Variants in INSR observed in about 807,000 individuals in gnomAD.
INSR encodes IR.
INSR carries 67 observed loss-of-function variants against 142.6 expected under a neutral mutation model. The observed-to-expected ratio is 0.47, with a 90% CI of 0.39 to 0.58. The LOEUF (loss-of-function observed/expected upper bound fraction) is 0.58, where lower values mean the gene tolerates loss of function less well. Ranked by LOEUF, INSR falls within the 20% of genes least tolerant of loss-of-function variation. INSR has a pLI of 0.00. For synonymous variants in INSR, 756 were observed against 743.1 expected, an observed-to-expected ratio of 1.02 and a Z score of -0.28; for missense variants, 1,248 against 1,833.2, an observed-to-expected ratio of 0.68 and a Z score of 5.83.
chr19:7,267,230 C>T lies in INSR; in HGVS notation c.652+115G>A. 1 of 1,076,608 alleles carries T rather than the reference C, an allele frequency of 9.3e-7. No homozygotes were observed. Among genetic ancestry groups the T allele is most frequent in the Non-Finnish European group, 1.4e-6 (1 of 711,018 alleles). The allele number at this position is 1,076,608 out of a possible 1,614,324, so 66.7% of individuals were successfully genotyped here. On this transcript the variant is annotated intron_variant, in intron 2 of 21. Transcript: ENST00000302850. The surrounding 1 kb of genome is among the most constrained non-coding windows in gnomAD (Gnocchi z 6.3). Reference sequence around the variant, plus strand: ...CCCTGGGCTAGTGAATGCCACCACCCACTATTCCCCGGCCCCTACCTAATG... The same window carrying T: ...CCCTGGGCTAGTGAATGCCACCACCTACTATTCCCCGGCCCCTACCTAATG...
chr19:7,164,923 G>A (rs1973856513), intron 8 of INSR, among the ~76,000 whole-genome samples: 1 of 151,138 alleles, frequency 6.6e-6, no homozygotes. Flanking sequence ...CAGGTCAAGA[G>A]ATTGAGACCA....
At chr19:7,210,628 G>C (rs1352570208) in intron 2 of INSR, among the ~76,000 whole-genome samples, 1 of 152,072 alleles carries the variant, frequency 6.6e-6, no homozygotes, top group Non-Finnish European at 1.5e-5. Flanking sequence ...GGTGACACAA[G>C]CAAGGCACTG....
At chr19:7,140,961 CT>C (rs1973056348) in intron 13 of INSR, among the ~76,000 whole-genome samples, 1 of 152,202 alleles carries the variant, frequency 6.6e-6, no homozygotes, top group Non-Finnish European at 1.5e-5. Flanking sequence ...GATTCTATGT[CT>C]TGTGCATCTC....
At chr19:7,171,917 CTT>C (rs375076576) in intron 5 of INSR, among the ~76,000 whole-genome samples, 6 of 137,544 alleles carry the variant, frequency 4.4e-5, no homozygotes, top group Admixed American at 7.3e-5. Flanking sequence ...CTTTTCTTTT[CTT>C]TTTTTTTTTT....
At chr19:7,144,097 C>T (rs1290096296) in intron 11 of INSR, among the ~76,000 whole-genome samples, 2 of 151,498 alleles carry the variant, frequency 1.3e-5, no homozygotes, top group African/African-American at 4.8e-5. Context: ...ACTCATAAAT[C>T]CACAGCCCAC....
chr19:7,152,835 C>T lies in INSR; in HGVS notation c.2122G>A (p.Glu708Lys), dbSNP rs763692568. The change falls in exon 10 of 22, where the codon GAA becomes AAA. Residue 708 changes from glutamate (E) to lysine (K), a missense_variant. Physicochemically the swap from Glu to Lys is moderately conservative, Grantham distance 56 (BLOSUM62 1). Coordinates refer to ENST00000302850, the MANE Select transcript of INSR (RefSeq NM_000208.4). ...NQSEYEDSAG[E>K]CCSCPKTDSQ... is the part of the protein sequence containing the mutation. The stretch of plus-strand genomic sequence containing the variant: ...TCTGTCTTTGGACAGGAGCAGCATT[C>T]GCCGGCCGAATCCTCATACTCACTC... 16 of 1,613,364 alleles carry T rather than the reference C, an allele frequency of 9.9e-6. No individual in the cohort carries two copies. Among genetic ancestry groups the T allele is most frequent in the Non-Finnish European group, 1.2e-5 (14 of 1,179,944 alleles).
At chr19:7,140,992 G>A (rs76195114) in intron 13 of INSR, among the ~76,000 whole-genome samples, 2,808 of 152,258 alleles carry the variant, frequency 0.018, 50 homozygotes, top group African/African-American at 0.044. Flanking sequence ...CCAGCACCTT[G>A]CATGGTGTCT....
Position 7,174,327 on chromosome 19 carries a change from G to A in INSR, c.1123+256C>T, listed in dbSNP as rs575124398. On this transcript the variant is annotated intron_variant, in intron 4 of 21. Transcript: ENST00000302850. Reference sequence around the variant, plus strand: ...AATAAAAATAAAAATAAATGTAAATGCAGATTCCTGATGCCCCAACTCCCA... The same window carrying A: ...AATAAAAATAAAAATAAATGTAAATACAGATTCCTGATGCCCCAACTCCCA... 3.3e-5 allele frequency among the ~76,000 whole-genome samples: 5 copies of A among 151,972 alleles called. No individual in the cohort carries two copies. In the South Asian group the frequency reaches 1.0e-3, roughly 32 times the overall value.
chr19:7,140,773 C>CTTTTTTTT lies in INSR; in HGVS notation c.2682+896_2682+903dup, dbSNP rs34805383. 9.1e-3 allele frequency among the ~76,000 whole-genome samples: 1,272 copies of CTTTTTTTT among 139,298 alleles called. 23 individuals are homozygous for CTTTTTTTT. Among genetic ancestry groups the CTTTTTTTT allele is most frequent in the African/African-American group, 0.031 (1,162 of 37,660 alleles). 91.4% of individuals were successfully genotyped at this position (139,298 alleles called of 152,430 possible). ...AAAAATAAAATTAGAATTAACGGCC[C>CTTTTTTTT]TTTTTTTTTTTTTGCCTAGCTGTCC... On this transcript the variant is annotated intron_variant, in intron 13 of 21. Coordinates refer to ENST00000302850, the MANE Select transcript of INSR (RefSeq NM_000208.4).
intron 2 of INSR, among the ~76,000 whole-genome samples, chr19:7,217,546 G>A (rs775150672): frequency 2.6e-5 from 4 of 152,126 alleles, no homozygotes; most frequent in Admixed American, 6.6e-5. Context: ...AGCAGTCATC[G>A]AGTGATATCT....
rs1366235 is a variant in INSR at position 7,167,704 on chromosome 19, A to G, written c.1610+264T>C. On this transcript the variant is annotated intron_variant, in intron 7 of 21. Transcript: ENST00000302850. ...GAGACATACACAGGCAAGGCAAAAT[A>G]GAATATTGCCCCAGGAAACTGGCCA... Among the ~76,000 whole-genome samples, 36,841 of 152,138 alleles carry G rather than the reference A, an allele frequency of 0.24. 4,546 individuals are homozygous for G. Among genetic ancestry groups the G allele is most frequent in the Middle Eastern group, 0.3 (88 of 294 alleles).
intron 2 of INSR, among the ~76,000 whole-genome samples, chr19:7,196,744 AAACTT>A (rs1264623221): frequency 1.3e-5 from 2 of 151,782 alleles, no homozygotes; most frequent in Non-Finnish European, 1.5e-5. Flanking sequence ...AGTTTAAAAA[AAACTT>A]AAAAAAAAAA....
At chr19:7,199,597 C>CT (rs1432910472) in intron 2 of INSR, among the ~76,000 whole-genome samples, 4 of 127,992 alleles carry the variant, frequency 3.1e-5, no homozygotes, top group African/African-American at 1.2e-4. Flanking sequence ...GCGGGTCTCT[C>CT]TATGTTGCCT....
chr19:7,159,091 C>T lies in INSR; in HGVS notation c.2029+3941G>A, dbSNP rs201542431. Among the ~76,000 whole-genome samples, 3 of 152,084 alleles carry T rather than the reference C, an allele frequency of 2.0e-5. No individual in the cohort carries two copies. The highest frequency in any genetic ancestry group is 3.9e-4 in the East Asian group (2 of 5,154). On this transcript the variant is annotated intron_variant, in intron 9 of 21. Coordinates refer to ENST00000302850, the MANE Select transcript of INSR (RefSeq NM_000208.4). The surrounding 1 kb of genome is among the most constrained non-coding windows in gnomAD (Gnocchi z 4.3). ...CTAATTTTTGTATTTTTAGTAGAGACGGGGTTTCACCATGTTGCCCAGGCT... is the reference window on the plus strand; with the variant it reads ...CTAATTTTTGTATTTTTAGTAGAGATGGGGTTTCACCATGTTGCCCAGGCT...
chr19:7,257,627 C>CT (rs1283790911), intron 2 of INSR, among the ~76,000 whole-genome samples: 1 of 143,526 alleles, frequency 7.0e-6, no homozygotes, highest in Admixed American at 6.9e-5. Flanking sequence ...ATTTTTTTTT[C>CT]TTTTTTTCTT....
rs1329219543 is a variant in INSR at position 7,219,507 on chromosome 19, G to GGGAAGGAAGGAGGGAGGGA, written c.653-34871_653-34870insTCCCTCCCTCCTTCCTTCC. On this transcript the variant is annotated intron_variant, in intron 2 of 21. Coordinates refer to ENST00000302850, the MANE Select transcript of INSR (RefSeq NM_000208.4). ...AGGGAAGGAAGGAAGGAGGGAGGGA[G>GGGAAGGAAGGAGGGAGGGA]GGAACGAAGGAAAGAAGGAAGGAAG... Among the ~76,000 whole-genome samples the GGGAAGGAAGGAGGGAGGGA allele has an allele frequency of 1.4e-3, 185 of 129,160 alleles. 5 individuals carry two copies. In the South Asian group the frequency reaches 0.015, roughly 10 times the overall value. 84.7% of individuals were successfully genotyped at this position (129,160 alleles called of 152,430 possible). A position where few individuals can be genotyped will look rare whatever the true frequency, so the allele number is the denominator to read the frequency against.
intron 1 of INSR, among the ~76,000 whole-genome samples, chr19:7,285,720 A>T (rs1968329626): frequency 6.6e-6 from 1 of 152,188 alleles, no homozygotes; most frequent in Admixed American, 6.6e-5. Flanking sequence ...CAAATTTAAA[A>T]TTTCAACTTT....
Position 7,294,218 on chromosome 19 carries a change from C to T in INSR, c.-327G>A, listed in dbSNP as rs1224254433. 6.6e-6 allele frequency among the ~76,000 whole-genome samples: 1 copy of T among 151,486 alleles called. No homozygotes were observed. The highest frequency in any genetic ancestry group is 1.5e-5 in the Non-Finnish European group (1 of 67,742). ...CCGGGACTGTCTCTCGGCTCTCGGCCCCGCGCGCTCTGGGTCGCGATCTGC... is the reference window on the plus strand; with the variant it reads ...CCGGGACTGTCTCTCGGCTCTCGGCTCCGCGCGCTCTGGGTCGCGATCTGC... On this transcript the variant is annotated 5_prime_UTR_variant, in exon 1 of 22. Transcript: ENST00000302850.
At chr19:7,233,050 A>C (rs1366741837) in intron 2 of INSR, among the ~76,000 whole-genome samples, 2 of 151,818 alleles carry the variant, frequency 1.3e-5, no homozygotes, top group Non-Finnish European at 2.9e-5. Flanking sequence ...CAGTGGCGCC[A>C]CCTCGCCATC....
Sources: allele counts gnomAD v4.1 joint callset (sites outside exome capture counted in the v4.1 genomes callset), GRCh38; gene constraint gnomAD v4.1.1; non-coding constraint Gnocchi (gnomAD v3.1); transcripts MANE v1.5; gene names NCBI Gene and HGNC (gene_info 2026-07-23, HGNC 2026-07-21).